Variants in RTN4RL1 observed in about 807,000 individuals in gnomAD.
The protein encoded by RTN4RL1 is reticulon 4 receptor like 1, also known as reticulon-4 receptor-like 1.
In RTN4RL1, 7 loss-of-function variants were observed where a neutral mutation model predicts 25.6. That is an observed-to-expected ratio of 0.27 (90% CI 0.16 to 0.51). RTN4RL1 has a LOEUF of 0.51. Ranked by LOEUF, RTN4RL1 falls within the 20% of genes least tolerant of loss-of-function variation. RTN4RL1 has a pLI of 0.97. For missense variants in RTN4RL1, 500 were observed against 615.6 expected (o/e 0.81, Z 1.99); for synonymous variants, 297 against 288.2 (o/e 1.03, Z -0.31).
intron 1 of RTN4RL1, among the ~76,000 whole-genome samples, chr17:1,964,788 CTTT>C (rs34138766): frequency 0.19 from 23,426 of 124,018 alleles, 1,678 homozygotes; most frequent in Middle Eastern, 0.27. Flanking sequence ...CTTTTCTTTT[CTTT>C]TTTTTTTTTT....
intron 1 of RTN4RL1, among the ~76,000 whole-genome samples, chr17:2,012,653 T>A (rs1021562837): frequency 6.6e-6 from 1 of 152,120 alleles, no homozygotes; most frequent in Non-Finnish European, 1.5e-5. Flanking sequence ...CAGAACAATA[T>A]AAATATTAGG....
chr17:1,947,148 T>G (rs1259443626), intron 1 of RTN4RL1, among the ~76,000 whole-genome samples: 1 of 151,728 alleles, frequency 6.6e-6, no homozygotes, highest in Non-Finnish European at 1.5e-5. Flanking sequence ...AATGTGTGTC[T>G]GTGTATGCAC....
chr17:1,983,459 C>G (rs1444789031), intron 1 of RTN4RL1, among the ~76,000 whole-genome samples: 2 of 152,214 alleles, frequency 1.3e-5, no homozygotes, highest in African/African-American at 4.8e-5. Context: ...GCACCTAATT[C>G]GGGAACGAGG....
At chr17:2,024,729 A>G (rs898099050) in intron 1 of RTN4RL1, 124 bp downstream of exon 1, 2 of 985,754 alleles carry the variant, frequency 2.0e-6, no homozygotes, top group Non-Finnish European at 1.5e-6. Context: ...TGCGCCCGGC[A>G]AAACCCACCA....
At chr17:1,989,660 A>C (rs1264322733) in intron 1 of RTN4RL1, among the ~76,000 whole-genome samples, 1 of 151,476 alleles carries the variant, frequency 6.6e-6, no homozygotes, top group Non-Finnish European at 1.5e-5. Flanking sequence ...TGCCACCTCC[A>C]CCTCCCGGTT....
intron 1 of RTN4RL1, among the ~76,000 whole-genome samples, chr17:2,000,189 G>C (rs535796039): frequency 6.6e-6 from 1 of 152,376 alleles, no homozygotes; most frequent in South Asian, 2.1e-4. Context: ...TCCCTACCCA[G>C]CCCGGCCAGG....
chr17:1,991,434 A>G (rs971555138), intron 1 of RTN4RL1, among the ~76,000 whole-genome samples: 1 of 146,532 alleles, frequency 6.8e-6, no homozygotes, highest in African/African-American at 2.5e-5. Flanking sequence ...AAAAGATAAT[A>G]CATGCACATA....
rs1352398594 is a variant in RTN4RL1 at position 2,007,337 on chromosome 17, A to ACACACACAC, written c.13+17515_13+17516insGTGTGTGTG. Reference sequence around the variant, plus strand: ...AGACCTAGGCCATGTTCACAGCCCCAACACACACACACACACACACACACA... The same window carrying ACACACACAC: ...AGACCTAGGCCATGTTCACAGCCCCACACACACACACACACACACACACACACACACACA... On this transcript the variant is annotated intron_variant, in intron 1 of 1. Transcript: ENST00000331238. 7.8e-3 allele frequency among the ~76,000 whole-genome samples: 1,102 copies of ACACACACAC among 140,384 alleles called. 5 individuals carry two copies. The highest frequency in any genetic ancestry group is 0.011 in the African/African-American group (424 of 36,926). 92.1% of individuals were successfully genotyped at this position (140,384 alleles called of 152,430 possible).
At position 1,936,594 on chromosome 17, in the gene RTN4RL1, TG is replaced by T; in HGVS notation, c.1227del (p.Ile410SerfsTer57). On this transcript the variant is annotated frameshift_variant, in exon 2 of 2. Coordinates refer to ENST00000331238, the MANE Select transcript of RTN4RL1 (RefSeq NM_178568.4). LOFTEE classifies it high-confidence loss of function. ...KRKGKCARRT[P>X]IRAPSGVQQA... ...TGCTGCACCCCGCTGGGGGCACGGA[TG>T]GGGGTCCTGCGGGCACACTTGCCCT... 1 of 1,582,062 alleles carries T rather than the reference TG, an allele frequency of 6.3e-7. No individual in the cohort carries two copies. The highest frequency in any genetic ancestry group is 8.6e-7 in the Non-Finnish European group (1 of 1,164,966).
intron 1 of RTN4RL1, among the ~76,000 whole-genome samples, chr17:1,992,313 C>T (rs1179410388): frequency 6.8e-6 from 1 of 148,072 alleles, no homozygotes; most frequent in Non-Finnish European, 1.5e-5. Context: ...GAGCCAAGAT[C>T]GCGCCACTGC....
chr17:2,016,391 A>C (rs1410094907), intron 1 of RTN4RL1, among the ~76,000 whole-genome samples: 1 of 152,128 alleles, frequency 6.6e-6, no homozygotes, highest in African/African-American at 2.4e-5. Context: ...AAAAACAAAA[A>C]CAAAAAACAA....
At chr17:1,964,740 A>T (rs529814524) in intron 1 of RTN4RL1, among the ~76,000 whole-genome samples, 173 of 150,372 alleles carry the variant, frequency 1.2e-3, no homozygotes, top group African/African-American at 3.9e-3. Context: ...TCTAAAAAAA[A>T]ATTTTTTTAA....
rs371467113 is a variant in RTN4RL1, at chr17:1,966,559, C to T, written c.14-28751G>A. The stretch of plus-strand genomic sequence containing the variant: ...CCAGCGCTCAGTGGAGCGATCTCAG[C>T]GTGCTCCTAGCCTAGGAGAGTCCCT... On this transcript the variant is annotated intron_variant, in intron 1 of 1. Transcript: ENST00000331238. Among the ~76,000 whole-genome samples, 11 of 152,224 alleles carry T rather than the reference C, an allele frequency of 7.2e-5. No homozygotes were observed. In the East Asian group the frequency reaches 7.8e-4, roughly 11 times the overall value.
At chr17:1,954,576 C>T (rs181545766) in intron 1 of RTN4RL1, among the ~76,000 whole-genome samples, 13 of 151,984 alleles carry the variant, frequency 8.6e-5, no homozygotes, top group Admixed American at 2.6e-4. Context: ...TTAGTAGAGA[C>T]GGGGTTTCAC....
chr17:2,024,608 A>G (rs2067249427), intron 1 of RTN4RL1, among the ~76,000 whole-genome samples: 1 of 151,302 alleles, frequency 6.6e-6, no homozygotes, highest in South Asian at 2.1e-4. Flanking sequence ...TCTCCGACTG[A>G]CCCCTCCGGG....
At chr17:1,961,966 A>AAAAG (rs1266686773) in intron 1 of RTN4RL1, among the ~76,000 whole-genome samples, 34,345 of 143,678 alleles carry the variant, frequency 0.24, 4,934 homozygotes, top group Non-Finnish European at 0.33. Flanking sequence ...AAAAGAAAAG[A>AAAAG]AAAGAAAGAA....
At chr17:1,966,600 AGTCTCT>A (rs2066792481) in intron 1 of RTN4RL1, among the ~76,000 whole-genome samples, 2 of 152,064 alleles carry the variant, frequency 1.3e-5, no homozygotes, top group Admixed American at 6.6e-5. Flanking sequence ...GGGGAAGGGC[AGTCTCT>A]GTCTTGGGGT....
intron 1 of RTN4RL1, among the ~76,000 whole-genome samples, chr17:1,958,697 G>A (rs11656964): frequency 0.47 from 72,002 of 152,100 alleles, 18,299 homozygotes; most frequent in Middle Eastern, 0.59. Flanking sequence ...CAGCAGCTGA[G>A]GCAGGCAGCT....
rs78883460 is a variant in RTN4RL1 at position 1,965,849 on chromosome 17, G to A, written c.14-28041C>T. On this transcript the variant is annotated intron_variant, in intron 1 of 1. Transcript: ENST00000331238. ...CTCGTCTGGGCTCTGTATAGCAAAA[G>A]GCCATGTGCCTGTGGTGAGGACTAT... 9.3e-3 allele frequency among the ~76,000 whole-genome samples: 1,418 copies of A among 152,242 alleles called. 44 individuals are homozygous for A. The highest frequency in any genetic ancestry group is 0.084 in the East Asian group (434 of 5,170).
Sources: gnomAD v4.1 joint callset for allele counts (sites outside exome capture counted in the v4.1 genomes callset) on GRCh38, gnomAD v4.1.1 for gene constraint, MANE v1.5 for transcripts, NCBI Gene and HGNC (gene_info 2026-07-23, HGNC 2026-07-21) for gene names.